Variants in AP4S1 observed in about 807,000 individuals in gnomAD.
AP4S1 encodes adaptor related protein complex 4 subunit sigma 1, also known as AP-4 complex subunit sigma-1.
AP4S1 carries 23 observed loss-of-function variants against 19.8 expected under a neutral mutation model. The observed-to-expected ratio is 1.16, with a 90% CI of 0.84 to 1.65. AP4S1 has a LOEUF of 1.65. Ranked by LOEUF, AP4S1 falls within the 40% of genes most tolerant of loss-of-function variation. The probability of loss-of-function intolerance (pLI) is 0.00; values close to 1 mark genes in which losing one functional copy is unlikely to be tolerated. For missense variants in AP4S1, 166 were observed against 172.8 expected, an observed-to-expected ratio of 0.96 and a Z score of 0.22; for synonymous variants, 46 against 54.1, an observed-to-expected ratio of 0.85 and a Z score of 0.66.
intron 1 of AP4S1, chr14:31,026,212 A>T (rs1021853750): frequency 7.2e-7 from 1 of 1,387,718 alleles, no homozygotes; most frequent in Non-Finnish European, 9.3e-7. Flanking sequence ...GCCGGGGCGC[A>T]GGGCGAGACG....
intron 1 of AP4S1, among the ~76,000 whole-genome samples, chr14:31,052,957 T>TTTTTTTA (rs1885885787): frequency 6.7e-6 from 1 of 148,440 alleles, no homozygotes; most frequent in African/African-American, 2.5e-5. Context: ...TTTTTTTTTT[T>TTTTTTTA]GAGATGGAGT....
At chr14:31,025,402 G>C (rs1883768811), upstream of AP4S1, 1 of 170,268 alleles carries the variant, frequency 5.9e-6, no homozygotes, top group Admixed American at 5.7e-5. Flanking sequence ...GCTGTCAAGG[G>C]GCAAGCGCGT....
Position 31,093,131 on chromosome 14 carries a change from A to T in AP4S1, c.*96A>T. The T allele has an allele frequency of 7.9e-7, 1 of 1,268,216 alleles. No individual in the cohort carries two copies. The highest frequency in any genetic ancestry group is 3.2e-5 in the Admixed American group (1 of 31,546). 78.6% of individuals were successfully genotyped at this position (1,268,216 alleles called of 1,614,324 possible). On this transcript the variant is annotated 3_prime_UTR_variant, in exon 6 of 6. Transcript: ENST00000542754. ...AACCCAGAAGAATCTGGAAGACCAC[A>T]ATTACAAAATGGGGTATCCTTCCAA...
At chr14:31,083,564 GT>G (rs1887775247) in intron 5 of AP4S1, 1 of 437,634 alleles carries the variant, frequency 2.3e-6, no homozygotes, top group Non-Finnish European at 4.5e-6. Context: ...GAGTGCAGAG[GT>G]GCGATCATGG....
intron 1 of AP4S1, among the ~76,000 whole-genome samples, chr14:31,038,287 A>G (rs1214628889): frequency 6.6e-6 from 1 of 152,216 alleles, no homozygotes; most frequent in Non-Finnish European, 1.5e-5. Flanking sequence ...AACACACTAT[A>G]GTGAATATAG....
intron 1 of AP4S1, among the ~76,000 whole-genome samples, chr14:31,058,451 C>G (rs546009453): frequency 2.5e-4 from 38 of 152,148 alleles, no homozygotes; most frequent in African/African-American, 9.2e-4. Context: ...TACACACATT[C>G]ACACAAGCTT....
In AP4S1 at chr14:31,053,046, T is replaced by A. The variant is rs1322245653; in HGVS notation, c.-71-13080T>A. Among the ~76,000 whole-genome samples, 3 of 149,924 alleles carry A rather than the reference T, an allele frequency of 2.0e-5. No homozygotes were observed. The East Asian group carries it at 6.0e-4, about 30-fold the overall frequency. On this transcript the variant is annotated intron_variant, in intron 1 of 5. Transcript: ENST00000542754. ...ACCTCTGCCTCCTGGGTTCAAGTGA[T>A]TCTCATGCCTTAGCCTCCCAAGTAG...
chr14:31,073,311 A>G (rs1220221292), intron 4 of AP4S1: 2 of 234,204 alleles, frequency 8.5e-6, no homozygotes, highest in Admixed American at 5.3e-5. Context: ...TAATACGGTG[A>G]AACCCCGTCT....
chr14:31,094,426 T>C lies in AP4S1; in HGVS notation c.*1391T>C, dbSNP rs1176602636. 1 of 148,532 alleles carries C rather than the reference T, an allele frequency of 6.7e-6. No individual in the cohort carries two copies. Among genetic ancestry groups the C allele is most frequent in the Non-Finnish European group, 1.5e-5 (1 of 67,262 alleles). 9.2% of individuals were successfully genotyped at this position (148,532 alleles called of 1,614,324 possible). On this transcript the variant is annotated 3_prime_UTR_variant, in exon 6 of 6. Coordinates refer to ENST00000542754, the MANE Select transcript of AP4S1 (RefSeq NM_001128126.3). The stretch of plus-strand genomic sequence containing the variant: ...ACCAGCCTGGGCAACATAGACCTCA[T>C]CTCTACAAAAAATGCAAAAATCAGC...
chr14:31,080,052 T>C (rs1156951696), intron 4 of AP4S1, among the ~76,000 whole-genome samples: 5 of 152,214 alleles, frequency 3.3e-5, no homozygotes, highest in Non-Finnish European at 7.3e-5. Flanking sequence ...TGTGAGTACT[T>C]ATATGTCTAC....
chr14:31,074,391 G>A lies in AP4S1; in HGVS notation c.294+1418G>A, dbSNP rs959475337. ...AAGTAAGCTGGGCGCGGTGGCTGAC[G>A]CCTGTAATCTCAGCACTTTGAGAGG... On this transcript the variant is annotated intron_variant, in intron 4 of 5. Transcript: ENST00000542754. Among the ~76,000 whole-genome samples the A allele has an allele frequency of 3.3e-5, 5 of 151,170 alleles. No individual in the cohort carries two copies. In the South Asian group the frequency reaches 6.3e-4, roughly 19 times the overall value.
intron 1 of AP4S1, among the ~76,000 whole-genome samples, chr14:31,045,873 A>G (rs1017764533): frequency 6.6e-6 from 1 of 152,018 alleles, no homozygotes; most frequent in African/African-American, 2.4e-5. Context: ...GGGTGGGGCC[A>G]GTCTAGGAAA....
intron 1 of AP4S1, among the ~76,000 whole-genome samples, chr14:31,038,627 G>A (rs1033152280): frequency 1.3e-5 from 2 of 152,268 alleles, no homozygotes; most frequent in Non-Finnish European, 1.5e-5. Context: ...AGACTTGAAA[G>A]CCACATACTA....
intron 4 of AP4S1, among the ~76,000 whole-genome samples, chr14:31,080,316 G>C (rs1887570932): frequency 6.6e-6 from 1 of 152,198 alleles, no homozygotes; most frequent in Admixed American, 6.5e-5. Context: ...GGCTGAGTTA[G>C]TTTCTTTTTC....
Position 31,069,848 on chromosome 14 carries a change from T to C in AP4S1, c.144T>C (p.Ser48=), listed in dbSNP as rs1178706370. 1 of 1,611,762 alleles carries C rather than the reference T, an allele frequency of 6.2e-7. No homozygotes were observed. Among genetic ancestry groups the C allele is most frequent in the South Asian group, 1.1e-5 (1 of 91,026 alleles). The change falls in exon 3 of 6, where the codon TCT becomes TCC. Residue 48 remains serine, a synonymous_variant. Transcript: ENST00000542754. ...SCLSRSNEQC[S]FIEYKDFKLI... ...TCTCATTGTGTTTTGTCTAGTGCTC[T>C]TTCATTGAATATAAGGATTTTAAGC...
intron 5 of AP4S1, chr14:31,085,025 A>G (rs1365930035): frequency 6.7e-7 from 1 of 1,484,030 alleles, no homozygotes; most frequent in Non-Finnish European, 9.0e-7. Context: ...AAAGAGGCCT[A>G]AGGACTTAGT....
At chr14:31,057,331 C>T (rs1417475493) in intron 1 of AP4S1, among the ~76,000 whole-genome samples, 1 of 152,172 alleles carries the variant, frequency 6.6e-6, no homozygotes, top group Non-Finnish European at 1.5e-5. Flanking sequence ...TGTTTTGAAC[C>T]TGGAAGCAGC....
chr14:31,085,356 G>A (rs967929186), intron 5 of AP4S1: 33 of 991,596 alleles, frequency 3.3e-5, no homozygotes, highest in African/African-American at 5.2e-5. Context: ...TCCCACCTAC[G>A]TGCCTGGGGA....
chr14:31,073,477 G>A lies in AP4S1; in HGVS notation c.294+504G>A, dbSNP rs556610569. Among the ~76,000 whole-genome samples, 111 of 147,768 alleles carry A rather than the reference G, an allele frequency of 7.5e-4. 3 individuals carry two copies. Among genetic ancestry groups the A allele is most frequent in the South Asian group, 3.7e-3 (17 of 4,632 alleles). ...TGCACTCCAGCCTGGGCAACAGAGC[G>A]AGACTCCGTCTCAGAAAAAAAAAAA... On this transcript the variant is annotated intron_variant, in intron 4 of 5. Coordinates refer to ENST00000542754, the MANE Select transcript of AP4S1 (RefSeq NM_001128126.3).
Sources: allele counts gnomAD v4.1 joint callset (sites outside exome capture counted in the v4.1 genomes callset), GRCh38; gene constraint gnomAD v4.1.1; transcripts MANE v1.5; gene names NCBI Gene and HGNC (gene_info 2026-07-23, HGNC 2026-07-21).